SOAT1: variants seen among roughly 807,000 people sequenced by gnomAD.
SOAT1 encodes acyl-coenzyme A:cholesterol acyltransferase 1.
Under a neutral mutation model 69.5 loss-of-function variants are expected in SOAT1, and 55 were observed. The ratio of observed to expected loss-of-function variants is 0.79; its 90% CI spans 0.64 to 0.99. The LOEUF is 0.99. Among genes scored for constraint, SOAT1 ranks in the 50% least tolerant of loss-of-function variants. The pLI is 0.00. For synonymous variants in SOAT1, 231 were observed against 224.7 expected (o/e 1.03, Z -0.25); for missense variants, 580 against 669.3 (o/e 0.87, Z 1.47).
At chr1:179,337,024 C>T (rs976223260) in intron 4 of SOAT1, among the ~76,000 whole-genome samples, 6 of 151,884 alleles carry the variant, frequency 4.0e-5, no homozygotes, top group African/African-American at 1.5e-4. Flanking sequence ...CATTACGTGC[C>T]TCTCTATTTG....
rs965828771 is a variant in SOAT1 at position 179,356,802 on chromosome 1, C to T, written c.*3161C>T. ...CAAACTCCTGGACTCAAATAGTGCT[C>T]TGGAGTACCTAGAACTACAAGTGCC... On this transcript the variant is annotated 3_prime_UTR_variant, in exon 16 of 16. Coordinates refer to ENST00000367619, the MANE Select transcript of SOAT1 (RefSeq NM_003101.6). 6.6e-6 allele frequency: 1 copy of T among 151,122 alleles called. No homozygotes were observed. The highest frequency in any genetic ancestry group is 1.5e-5 in the Non-Finnish European group (1 of 67,968). The allele number at this position is 151,122 out of a possible 1,614,324, so 9.4% of individuals were successfully genotyped here. A position where few individuals can be genotyped will look rare whatever the true frequency, so the allele number is the denominator to read the frequency against.
chr1:179,347,663 A>T lies in SOAT1; in HGVS notation c.1181A>T (p.Glu394Val). 6.2e-7 allele frequency: 1 copy of T among 1,613,110 alleles called. No homozygotes were observed. ...CACTGCTGGCTCAATGCCTTTGCTG[A>T]GATGTTACGCTTTGGTGACAGGATG... ...FLHCWLNAFA[E>V]MLRFGDRMFY... The change falls in exon 12 of 16, where the codon GAG (glutamate) becomes GTG (valine). Residue 394 changes from glutamate (E) to valine (V), a missense_variant. Transcript: ENST00000367619.
intron 2 of SOAT1, among the ~76,000 whole-genome samples, chr1:179,314,450 A>G (rs1665324096): frequency 6.6e-6 from 1 of 152,228 alleles, no homozygotes; most frequent in Non-Finnish European, 1.5e-5. Flanking sequence ...GTAGAAAGGC[A>G]CAGCTCCCCA....
At chr1:179,337,247 C>T (rs142352965) in intron 4 of SOAT1, among the ~76,000 whole-genome samples, 1 of 152,004 alleles carries the variant, frequency 6.6e-6, no homozygotes, top group Admixed American at 6.6e-5. Flanking sequence ...GGTAGTAGTA[C>T]GAAAAGCCCT....
intron 11 of SOAT1, among the ~76,000 whole-genome samples, chr1:179,347,339 CAG>C (rs1175206952): frequency 8.0e-6 from 1 of 125,108 alleles, no homozygotes; most frequent in African/African-American, 3.2e-5. Flanking sequence ...GCCTGGGTGA[CAG>C]AGCAGGACTC....
intron 2 of SOAT1, among the ~76,000 whole-genome samples, chr1:179,317,677 C>T (rs977927902): frequency 1.4e-5 from 2 of 146,004 alleles, no homozygotes; most frequent in African/African-American, 5.1e-5. Flanking sequence ...GCAAACTAGA[C>T]GTTGTGGTTT....
At chr1:179,350,185 A>G in intron 13 of SOAT1, 111 bp from the exon 14 acceptor site, 5 of 817,496 alleles carry the variant, frequency 6.1e-6, no homozygotes, top group Admixed American at 3.0e-5. Flanking sequence ...GACTTAGAAA[A>G]TTAAGTACAA....
At chr1:179,322,563 T>G (rs994721777) in intron 2 of SOAT1, among the ~76,000 whole-genome samples, 4 of 152,280 alleles carry the variant, frequency 2.6e-5, no homozygotes, top group Admixed American at 6.5e-5. Flanking sequence ...TGGAATTCTG[T>G]ACGGCCTTGA....
intron 1 of SOAT1, chr1:179,294,191 A>G (rs1280872500): frequency 6.6e-6 from 1 of 152,230 alleles, no homozygotes; most frequent in Non-Finnish European, 1.5e-5. Context: ...ATCTCGTGGC[A>G]TCTCTCAAGT....
At chr1:179,325,148 T>A (rs796531828) in intron 3 of SOAT1, among the ~76,000 whole-genome samples, 1 of 39,066 alleles carries the variant, frequency 2.6e-5, no homozygotes, top group African/African-American at 6.3e-5. Context: ...TAGTGACTAA[T>A]TTTTTTTTTT....
At position 179,345,134 on chromosome 1, in the gene SOAT1, T is replaced by G. The variant is rs1666483899; in HGVS notation, c.1117+58T>G. On this transcript the variant is annotated intron_variant, in intron 11 of 15. Coordinates refer to ENST00000367619, the MANE Select transcript of SOAT1 (RefSeq NM_003101.6). ...TAAATTCACGAGGTAAATAGAAAGC[T>G]ATTGCCTATGAGCACCTTTGCTTTG... The G allele has an allele frequency of 5.1e-6, 8 of 1,578,074 alleles. No individual in the cohort carries two copies. The Admixed American group carries it at 1.2e-4, about 24-fold the overall frequency.
At chr1:179,313,809 C>T (rs1459591885) in intron 2 of SOAT1, among the ~76,000 whole-genome samples, 1 of 152,140 alleles carries the variant, frequency 6.6e-6, no homozygotes, top group Admixed American at 6.6e-5. Flanking sequence ...GTCTCGAACT[C>T]CTGACCTCCG....
chr1:179,343,026 C>A, intron 9 of SOAT1, 83 bp downstream of exon 9: 1 of 974,882 alleles, frequency 1.0e-6, no homozygotes, highest in Non-Finnish European at 1.7e-6. Flanking sequence ...GGGGCCAGTT[C>A]ATGTAGGGAC....
chr1:179,330,294 C>T (rs894159021), intron 3 of SOAT1, among the ~76,000 whole-genome samples: 5 of 152,014 alleles, frequency 3.3e-5, no homozygotes, highest in Non-Finnish European at 7.4e-5. Context: ...CAGGACCAGT[C>T]ATGGGTTTAG....
chr1:179,321,164 C>T lies in SOAT1; in HGVS notation c.119-2273C>T, dbSNP rs975339469. On this transcript the variant is annotated intron_variant, in intron 2 of 15. Coordinates refer to ENST00000367619, the MANE Select transcript of SOAT1 (RefSeq NM_003101.6). ...CAGGTGATCCGCCTGCCTCGGCCTC[C>T]CAAAGTGCTGGGATTACACACATGA... Among the ~76,000 whole-genome samples the T allele has an allele frequency of 2.6e-5, 4 of 152,240 alleles. No individual in the cohort carries two copies. In the South Asian group the frequency reaches 8.3e-4, roughly 32 times the overall value.
chr1:179,351,021 C>CTTTTTTTTTTTTTTTTTTTT (rs201449849), intron 14 of SOAT1, among the ~76,000 whole-genome samples: 9 of 127,548 alleles, frequency 7.1e-5, no homozygotes, highest in Non-Finnish European at 1.0e-4. Context: ...ATATTTCTTT[C>CTTTTTTTTTTTTTTTTTTTT]TTTTTTTTTT....
At position 179,342,852 on chromosome 1, in the gene SOAT1, C is replaced by G. The variant is rs768962216; in HGVS notation, c.860-10C>G. 9 of 1,606,532 alleles carry G rather than the reference C, an allele frequency of 5.6e-6. No homozygotes were observed. The highest frequency in any genetic ancestry group is 1.6e-4 in the Middle Eastern group (1 of 6,068). ...GAGCCTTTGCTCTAACTATAGTTTT[C>G]CTTTTCTAGGCACTGTTCCAATACC... is the stretch of plus-strand genomic sequence containing the variant. On this transcript the variant is annotated splice_polypyrimidine_tract_variant and intron_variant, in intron 8 of 15. Coordinates refer to ENST00000367619, the MANE Select transcript of SOAT1 (RefSeq NM_003101.6).
At chr1:179,314,039 CT>C (rs1399906584) in intron 2 of SOAT1, among the ~76,000 whole-genome samples, 1 of 152,150 alleles carries the variant, frequency 6.6e-6, no homozygotes, top group Non-Finnish European at 1.5e-5. Context: ...AGCTTCAGGC[CT>C]CAGAAAAATC....
At chr1:179,351,490 A>G in intron 15 of SOAT1, 28 bp downstream of exon 15, 2 of 1,608,480 alleles carry the variant, frequency 1.2e-6, no homozygotes, top group Non-Finnish European at 1.7e-6. Context: ...TTGGAGTGCA[A>G]AAGAACCTGT....
Sources: gnomAD v4.1 joint callset for allele counts (sites outside exome capture counted in the v4.1 genomes callset) on GRCh38, gnomAD v4.1.1 for gene constraint, MANE v1.5 for transcripts, NCBI Gene and HGNC (gene_info 2026-07-23, HGNC 2026-07-21) for gene names.